Variants in PLXNA4 observed in about 807,000 individuals in gnomAD.
PLXNA4 encodes plexin-A4.
PLXNA4 carries 44 observed loss-of-function variants against 191.8 expected under a neutral mutation model. The observed-to-expected ratio is 0.23, with a 90% CI of 0.18 to 0.29. PLXNA4 has a LOEUF of 0.29. PLXNA4 is among the 10% of genes least tolerant of loss of function. The pLI is 1.00. For missense variants in PLXNA4, 1,800 were observed against 2,488.8 expected, an observed-to-expected ratio of 0.72 and a Z score of 5.89; for synonymous variants, 1,082 against 1,009.5, an observed-to-expected ratio of 1.07 and a Z score of -1.36.
rs182778673 is a variant in PLXNA4 at position 132,634,340 on chromosome 7, T to A, written c.-87+11588A>T. ...AGTCTGCCCATATGTAAGGCTTCAA[T>A]AAACCCTATGTCTCATTCACTGGCT... On this transcript the variant is annotated intron_variant, in intron 2 of 4. Coordinates refer to the PLXNA4 transcript ENST00000378539. Among the ~76,000 whole-genome samples, 1,176 of 152,234 alleles carry A rather than the reference T, an allele frequency of 7.7e-3. 10 individuals carry two copies. Among genetic ancestry groups the A allele is most frequent in the Non-Finnish European group, 0.012 (809 of 68,012 alleles).
rs919034062 is a variant in PLXNA4, at chr7:132,435,113, G to A, written c.1371+54179C>T. Among the ~76,000 whole-genome samples, 4 of 152,250 alleles carry A rather than the reference G, an allele frequency of 2.6e-5. No homozygotes were observed. The Middle Eastern group carries it at 0.01, about 388-fold the overall frequency. ...GCCTATATCTCTAGGACTCGAGCAGGAAGTATGTTTGCCTCGCCTCGGGCT... is the reference window on the plus strand; with the variant it reads ...GCCTATATCTCTAGGACTCGAGCAGAAAGTATGTTTGCCTCGCCTCGGGCT... On this transcript the variant is annotated intron_variant, in intron 3 of 31. Coordinates refer to ENST00000321063, the MANE Select transcript of PLXNA4 (RefSeq NM_020911.2).
intron 24 of PLXNA4, among the ~76,000 whole-genome samples, chr7:132,161,959 A>C (rs1247262615): frequency 6.6e-6 from 1 of 152,146 alleles, no homozygotes; most frequent in Non-Finnish European, 1.5e-5. Flanking sequence ...ACACCAGTCC[A>C]AGCTCCAGCA....
intron 2 of PLXNA4, among the ~76,000 whole-genome samples, chr7:132,588,750 GAGAAAGAGAGAAAA>G (rs1802552670): frequency 7.0e-6 from 1 of 142,992 alleles, no homozygotes; most frequent in Non-Finnish European, 1.5e-5. Flanking sequence ...GAAAGAAAGA[GAGAAAGAGAGAAAA>G]AGAAAGAAAG....
chr7:132,261,652 G>A (rs1382896238), intron 4 of PLXNA4, among the ~76,000 whole-genome samples: 1 of 152,240 alleles, frequency 6.6e-6, no homozygotes, highest in Non-Finnish European at 1.5e-5. Flanking sequence ...AATGATGGGA[G>A]TGGGTCAGAT....
intron 3 of PLXNA4, among the ~76,000 whole-genome samples, chr7:132,358,173 G>A (rs1264554837): frequency 2.0e-5 from 3 of 152,206 alleles, no homozygotes; most frequent in Non-Finnish European, 2.9e-5. Flanking sequence ...GAATTGAGAC[G>A]TTTATTTAAT....
At chr7:132,510,762 A>G (rs156965) in intron 1 of PLXNA4, among the ~76,000 whole-genome samples, 142,651 of 152,226 alleles carry the variant, frequency 0.94, 67,126 homozygotes, top group Non-Finnish European at 0.97. Context: ...GAAGGGAAAG[A>G]CCTTCTAGGG....
At chr7:132,180,417 G>A (rs1265180295) in intron 19 of PLXNA4, among the ~76,000 whole-genome samples, 169 bp downstream of exon 19, 1 of 152,210 alleles carries the variant, frequency 6.6e-6, no homozygotes, top group Middle Eastern at 3.2e-3. Context: ...TGACAATACA[G>A]AAGAGAGAAG....
At chr7:132,570,506 T>G (rs1009666635) in intron 1 of PLXNA4, among the ~76,000 whole-genome samples, 2 of 152,168 alleles carry the variant, frequency 1.3e-5, no homozygotes, top group African/African-American at 4.8e-5. Context: ...AAAAGGGAAA[T>G]CCAGCTGTGC....
At chr7:132,646,363 C>G (rs1263576969) in intron 1 of PLXNA4, among the ~76,000 whole-genome samples, 1 of 152,160 alleles carries the variant, frequency 6.6e-6, no homozygotes, top group Non-Finnish European at 1.5e-5. Flanking sequence ...TGTATTCCCT[C>G]CCTGTTATGG....
intron 15 of PLXNA4, among the ~76,000 whole-genome samples, chr7:132,186,788 TTTGTAACAAAGATGA>T (rs771879668): frequency 2.6e-5 from 4 of 152,196 alleles, no homozygotes; most frequent in African/African-American, 4.8e-5. Flanking sequence ...ATAGTTTAAT[TTTGTAACAAAGATGA>T]TAACAGCCTT....
chr7:132,211,010 T>A lies in PLXNA4; in HGVS notation c.2231A>T (p.Gln744Leu). 6.2e-7 allele frequency: 1 copy of A among 1,614,090 alleles called. No individual in the cohort carries two copies. Among genetic ancestry groups the A allele is most frequent in the Non-Finnish European group, 8.5e-7 (1 of 1,180,024 alleles). Residue 744 changes from glutamine (Q) to leucine (L), a missense_variant, in exon 10 of 32, where the codon CAG becomes CTG. Around this residue, in one of 6 missense-constraint regions of PLXNA4, gnomAD observed 1,397 missense variants for 1,880.4 expected, o/e 0.74. Coordinates refer to ENST00000321063, the MANE Select transcript of PLXNA4 (RefSeq NM_020911.2). ...GGCGGGCACTCGCTGCTCGCTGCCC[T>A]GAATGTTGAGGATGCATTCGTAGCC... is the stretch of plus-strand genomic sequence containing the variant. Reference protein sequence around the residue: ...QRGYECILNIQGSEQRVPALR... With the variant: ...QRGYECILNILGSEQRVPALR...
chr7:132,510,106 A>G (rs1723203803), intron 1 of PLXNA4, among the ~76,000 whole-genome samples: 1 of 152,232 alleles, frequency 6.6e-6, no homozygotes, highest in African/African-American at 2.4e-5. Flanking sequence ...CCCATTGGAC[A>G]GCTTTATGTT....
chr7:132,561,980 A>C (rs1182302164), intron 1 of PLXNA4, among the ~76,000 whole-genome samples: 2,183 of 30,352 alleles, frequency 0.072, no homozygotes, highest in African/African-American at 0.093. Flanking sequence ...CCTCCTCCTT[A>C]TCCTCCTCTT....
intron 3 of PLXNA4, among the ~76,000 whole-genome samples, chr7:132,411,018 T>C (rs544276599): frequency 1.1e-3 from 173 of 152,308 alleles, no homozygotes; most frequent in Non-Finnish European, 2.0e-3. Flanking sequence ...GCCCATGACA[T>C]GATCCGGCTG....
chr7:132,453,569 C>G (rs1414831921), intron 3 of PLXNA4, among the ~76,000 whole-genome samples: 4 of 150,848 alleles, frequency 2.7e-5, no homozygotes, highest in African/African-American at 9.8e-5. Context: ...TTCTTCCAGA[C>G]AGTCTCAGTG....
intron 3 of PLXNA4, among the ~76,000 whole-genome samples, chr7:132,345,234 A>AAG (rs1803199750): frequency 1.3e-5 from 2 of 152,214 alleles, no homozygotes; most frequent in African/African-American, 4.8e-5. Flanking sequence ...AGCACACACA[A>AAG]CTGCACAAAG....
At chr7:132,282,150 T>C (rs1295020761) in intron 4 of PLXNA4, among the ~76,000 whole-genome samples, 1 of 152,224 alleles carries the variant, frequency 6.6e-6, no homozygotes, top group African/African-American at 2.4e-5. Context: ...TTGTTTTAAA[T>C]AAATTTTTTT....
intron 3 of PLXNA4, among the ~76,000 whole-genome samples, chr7:132,459,837 T>G (rs1796437555): frequency 6.6e-6 from 1 of 152,206 alleles, no homozygotes; most frequent in Admixed American, 6.5e-5. Context: ...AAATCACACC[T>G]CCCTTCCAGA....
intron 3 of PLXNA4, among the ~76,000 whole-genome samples, chr7:132,367,492 G>A (rs890344644): frequency 2.0e-5 from 3 of 152,022 alleles, no homozygotes; most frequent in South Asian, 2.1e-4. Context: ...AGAAGAAAGG[G>A]GGGGTGAAGG....
Sources: allele counts gnomAD v4.1 joint callset (sites outside exome capture counted in the v4.1 genomes callset), GRCh38; gene constraint gnomAD v4.1.1; regional missense constraint gnomAD v4.1.1; transcripts MANE v1.5; gene names NCBI Gene and HGNC (gene_info 2026-07-23, HGNC 2026-07-21).